ZNF692: variants seen among roughly 807,000 people sequenced by gnomAD.
ZNF692 encodes the protein zinc finger protein 692.
In ZNF692, 41 loss-of-function variants were observed where a neutral mutation model predicts 49.0. That is an observed-to-expected ratio of 0.84 (90% confidence interval 0.65 to 1.08). ZNF692 has a LOEUF of 1.08. Ranked by LOEUF, ZNF692 falls within the 50% of genes least tolerant of loss-of-function variation. The pLI is 0.00. For missense variants in ZNF692, 662 were observed against 662.2 expected (o/e 1.00, Z 0.00); for synonymous variants, 288 against 251.5 (o/e 1.15, Z -1.37).
intron 10 of ZNF692, chr1:248,851,071 C>A (rs1259076786): frequency 1.9e-5 from 11 of 571,814 alleles, no homozygotes; most frequent in Non-Finnish European, 3.6e-5. Flanking sequence ...TGCACCACCC[C>A]ACCTCAGCCT....
In ZNF692 at chr1:248,855,437, C is replaced by G. The variant is rs137904048; in HGVS notation, c.981G>C (p.Leu327=). The change falls in exon 9 of 12, where the codon CTG becomes CTC. Residue 327 remains leucine (L), a synonymous_variant. Transcript: ENST00000306601. ...CACAGCCAGGGAAGTCACAAGGCATCAGCTCTCTTTTGGCAGCTTTCCTGA... is the reference window on the plus strand; with the variant it reads ...CACAGCCAGGGAAGTCACAAGGCATGAGCTCTCTTTTGGCAGCTTTCCTGA... ...KRIRKAAKRE[L]MPCDFPGCGR... 44 of 1,614,058 alleles carry G rather than the reference C, an allele frequency of 2.7e-5. No individual in the cohort carries two copies. The highest frequency in any genetic ancestry group is 3.5e-5 in the Non-Finnish European group (41 of 1,180,040).
rs561332168 is a variant in ZNF692, at chr1:248,857,846, C to T, written c.193G>A (p.Gly65Ser). The change falls in exon 3 of 12, where the codon GGC becomes AGC. Residue 65 changes from glycine to serine, a missense_variant. By Grantham distance (56) the Gly-to-Ser change is moderately conservative (BLOSUM62 0). Transcript: ENST00000306601. ...KFLLDRYTSS[G>S]CVLCAGPEPL... Reference sequence around the variant, plus strand: ...TACCTACCTGCACAGAGGACACAGCCTGAAGAAGTGTACCTGCCAGCAGGA... The same window carrying T: ...TACCTACCTGCACAGAGGACACAGCTTGAAGAAGTGTACCTGCCAGCAGGA... 1.2e-6 allele frequency: 2 copies of T among 1,614,040 alleles called. No homozygotes were observed. Among genetic ancestry groups the T allele is most frequent in the South Asian group, 2.2e-5 (2 of 91,072 alleles).
chr1:248,850,906 A>T (rs1446221784), intron 10 of ZNF692, 125 bp from the exon 11 acceptor site: 1 of 850,082 alleles, frequency 1.2e-6, no homozygotes, highest in South Asian at 1.4e-5. Context: ...GGTTCTAATT[A>T]GTTGTTATCC....
In ZNF692 at chr1:248,850,230, T is replaced by C. The variant is rs1014046060; in HGVS notation, c.1540A>G (p.Thr514Ala). 2.0e-6 allele frequency: 3 copies of C among 1,536,044 alleles called. No homozygotes were observed. The highest frequency in any genetic ancestry group is 1.4e-5 in the African/African-American group (1 of 72,508). ...AGAGCTCATTGCTGAGGAAGCAGGGTTGGAGCCTGAGGAGATGCAGAGGGC... is the reference window on the plus strand; with the variant it reads ...AGAGCTCATTGCTGAGGAAGCAGGGCTGGAGCCTGAGGAGATGCAGAGGGC... ...SRPSASPQAP[T>A]LLPQQ The change falls in exon 12 of 12, where the codon ACC becomes GCC. Residue 514 changes from threonine to alanine, a missense_variant. Coordinates refer to ENST00000306601, the MANE Select transcript of ZNF692 (RefSeq NM_017865.4).
Position 248,858,319 on chromosome 1 carries a change from A to T in ZNF692, c.-10T>A. The T allele has an allele frequency of 6.4e-7, 1 of 1,551,792 alleles. No homozygotes were observed. The highest frequency in any genetic ancestry group is 1.2e-5 in the South Asian group (1 of 85,118). On this transcript the variant is annotated splice_region_variant and 5_prime_UTR_variant, in exon 2 of 12. Transcript: ENST00000306601. The surrounding 1 kb of genome is among the most constrained non-coding windows in gnomAD (Gnocchi z 4.3). ...CCGGGGAGGAAGCCATGTGCACCAG[A>T]GGCTGGAGGGTGGAAGGGACGTCTT...
At position 248,858,281 on chromosome 1, in the gene ZNF692, G is replaced by T; in HGVS notation, c.29C>A (p.Ser10Tyr). ...CCGCCGCTTCTCCCGCCGCCTGCAG[G>T]ACACGTCCACCGCCGGGGAGGAAGC... MASSPAVDV[S>Y]CRRREKRRQL... Residue 10 changes from serine (S) to tyrosine (Y), a missense_variant, in exon 2 of 12, where the codon TCC becomes TAC. Transcript: ENST00000306601. This position sits in a 1 kb window ranked among gnomAD's most constrained non-coding sequence, Gnocchi z 4.3. The T allele has an allele frequency of 6.3e-7, 1 of 1,582,488 alleles. No individual in the cohort carries two copies. Among genetic ancestry groups the T allele is most frequent in the Non-Finnish European group, 8.6e-7 (1 of 1,162,854 alleles).
Position 248,857,317 on chromosome 1 carries a change from G to A in ZNF692, c.392C>T (p.Ser131Leu). 1.2e-6 allele frequency: 2 copies of A among 1,614,192 alleles called. No homozygotes were observed. Among genetic ancestry groups the A allele is most frequent in the Non-Finnish European group, 1.7e-6 (2 of 1,180,030 alleles). ...SWGPSLSPTP[S>L]EAPKPASLPH... is the part of the protein sequence containing the mutation. ...AAGGGAGGCTGGCTTGGGTGCCTCT[G>A]AAGGTGTAGGGCTCAAAGAGGGTCC... Residue 131 changes from serine to leucine, a missense_variant, in exon 4 of 12, where the codon TCA (serine) becomes TTA (leucine). Ser to Leu is a moderately radical substitution (Grantham distance 145). Transcript: ENST00000306601.
rs1660090754 is a variant in ZNF692 at position 248,855,282 on chromosome 1, C to G, written c.1038+98G>C. 6.6e-6 allele frequency: 8 copies of G among 1,218,976 alleles called. No individual in the cohort carries two copies. In the East Asian group the frequency reaches 2.0e-4, roughly 30 times the overall value. 75.5% of individuals were successfully genotyped at this position (1,218,976 alleles called of 1,614,324 possible). On this transcript the variant is annotated intron_variant, in intron 9 of 11. Coordinates refer to ENST00000306601, the MANE Select transcript of ZNF692 (RefSeq NM_017865.4). ...GTCAGGTACCCTCTGCTTCCTGGTT[C>G]TGAATCCTCCCATGCCTTAAGATCC...
intron 10 of ZNF692, among the ~76,000 whole-genome samples, chr1:248,852,840 G>A (rs926409753): frequency 2.6e-5 from 4 of 152,234 alleles, no homozygotes; most frequent in African/African-American, 7.2e-5. Context: ...TGGCTAGAGT[G>A]CCATGACACT....
chr1:248,857,605 G>A, intron 3 of ZNF692, 108 bp from the exon 4 acceptor site: 1 of 1,504,734 alleles, frequency 6.6e-7, no homozygotes, highest in Non-Finnish European at 8.9e-7. Flanking sequence ...GGCAACCTCA[G>A]CCCCAGTCCA....
chr1:248,850,580 T>A, intron 11 of ZNF692, 64 bp from the exon 12 acceptor site: 1 of 1,590,692 alleles, frequency 6.3e-7, no homozygotes, highest in African/African-American at 1.3e-5. Flanking sequence ...CCCTAGGGGG[T>A]TCCTCCTGCT....
chr1:248,855,962 A>C lies in ZNF692; in HGVS notation c.660-16T>G. ...AGGCTCACTACTGAAAGGAGAACAA[A>C]GAGGAAGATGGCATTAACTTTCTGG... is the stretch of plus-strand genomic sequence containing the variant. On this transcript the variant is annotated splice_polypyrimidine_tract_variant and intron_variant, in intron 6 of 11. Transcript: ENST00000306601. 6.2e-7 allele frequency: 1 copy of C among 1,611,898 alleles called. No homozygotes were observed. The highest frequency in any genetic ancestry group is 1.1e-5 in the South Asian group (1 of 90,930).
Position 248,856,035 on chromosome 1 carries a change from C to T in ZNF692, c.660-89G>A, listed in dbSNP as rs193006136. ...ACCCTAGCCCCTAAACTGAAAAGAT[C>T]TCAAACTTGAAACAACCCTACCCCC... On this transcript the variant is annotated intron_variant, in intron 6 of 11. Transcript: ENST00000306601. The T allele has an allele frequency of 3.5e-5, 50 of 1,421,270 alleles. No homozygotes were observed. In the East Asian group the frequency reaches 1.2e-3, roughly 34 times the overall value. 88.0% of individuals were successfully genotyped at this position (1,421,270 alleles called of 1,614,324 possible).
chr1:248,858,294 C>T lies in ZNF692; in HGVS notation c.16G>A (p.Ala6Thr), dbSNP rs768638161. 48 of 1,568,666 alleles carry T rather than the reference C, an allele frequency of 3.1e-5. No individual in the cohort carries two copies. The highest frequency in any genetic ancestry group is 4.1e-5 in the Non-Finnish European group (47 of 1,153,210). MASSP[A>T]VDVSCRRREK... The stretch of plus-strand genomic sequence containing the variant: ...CGCCGCCTGCAGGACACGTCCACCG[C>T]CGGGGAGGAAGCCATGTGCACCAGA... The change falls in exon 2 of 12, where the codon GCG becomes ACG. Residue 6 changes from alanine (A) to threonine (T), a missense_variant. Coordinates refer to ENST00000306601, the MANE Select transcript of ZNF692 (RefSeq NM_017865.4). This position sits in a 1 kb window ranked among gnomAD's most constrained non-coding sequence, Gnocchi z 4.3.
intron 3 of ZNF692, 145 bp from the exon 4 acceptor site, chr1:248,857,642 C>T: frequency 6.8e-7 from 1 of 1,472,230 alleles, no homozygotes; most frequent in East Asian, 2.4e-5. Flanking sequence ...AACCTAGACA[C>T]ACTAGATCCT....
At position 248,858,013 on chromosome 1, in the gene ZNF692, C is replaced by G; in HGVS notation, c.179+118G>C. 6.5e-7 allele frequency: 1 copy of G among 1,545,382 alleles called. No homozygotes were observed. ...CCTCGGAGGCCACAAGTCACACAGG[C>G]CGTCCTGGTAAAGTGAGAAACCTGA... On this transcript the variant is annotated intron_variant, in intron 2 of 11. Transcript: ENST00000306601. The surrounding 1 kb of genome is among the most constrained non-coding windows in gnomAD (Gnocchi z 4.3).
chr1:248,850,612 T>C (rs1572206525), intron 11 of ZNF692, 70 bp downstream of exon 11: 1 of 1,604,356 alleles, frequency 6.2e-7, no homozygotes, highest in African/African-American at 1.3e-5. Flanking sequence ...AGGTGTCCTA[T>C]ATGCCTAGCT....
At chr1:248,856,617 C>T in intron 4 of ZNF692, 55 bp from the exon 5 acceptor site, 1 of 1,607,184 alleles carries the variant, frequency 6.2e-7, no homozygotes, top group Non-Finnish European at 8.5e-7. Flanking sequence ...GGGATGAGGA[C>T]ACATAAAGTT....
At chr1:248,850,570 C>T (rs1659444443) in intron 11 of ZNF692, 54 bp from the exon 12 acceptor site, 2 of 1,591,174 alleles carry the variant, frequency 1.3e-6, no homozygotes, top group South Asian at 1.1e-5. Flanking sequence ...ATCATGACTT[C>T]CCTAGGGGGT....
Sources: gnomAD v4.1 joint callset for allele counts (sites outside exome capture counted in the v4.1 genomes callset) on GRCh38, gnomAD v4.1.1 for gene constraint, Gnocchi (gnomAD v3.1) non-coding constraint, MANE v1.5 for transcripts, NCBI Gene and HGNC (gene_info 2026-07-23, HGNC 2026-07-21) for gene names.